The following XKR4 variants were observed in gnomAD, a reference collection of about 807,000 sequenced individuals.
XKR4 encodes XK related 4, also known as XK-related protein 4.
XKR4 carries 12 observed loss-of-function variants against 53.9 expected under a neutral mutation model. The observed-to-expected ratio is 0.22, with a 90% CI of 0.14 to 0.36. XKR4 has a LOEUF of 0.36. Ranked by LOEUF, XKR4 falls within the 10% of genes least tolerant of loss-of-function variation. XKR4 has a pLI of 1.00. For missense variants in XKR4, 799 were observed against 859.5 expected (o/e 0.93, Z 0.88); for synonymous variants, 354 against 362.4 (o/e 0.98, Z 0.26).
intron 1 of XKR4, among the ~76,000 whole-genome samples, chr8:55,269,327 G>T (rs1413832013): frequency 6.6e-6 from 1 of 151,908 alleles, no homozygotes; most frequent in Non-Finnish European, 1.5e-5. Flanking sequence ...GAATAAGAGA[G>T]TTGATACCAT....
chr8:55,195,243 T>C lies in XKR4; in HGVS notation c.806+91949T>C, dbSNP rs1028199930. On this transcript the variant is annotated intron_variant, in intron 1 of 2. Transcript: ENST00000327381. ...ATTTTACTATTAATGTTAATAATTA[T>C]CTATCAAAAATATAACGTTTATGTT... 7.2e-5 allele frequency among the ~76,000 whole-genome samples: 8 copies of C among 111,040 alleles called. 1 individual carries two copies. The highest frequency in any genetic ancestry group is 1.9e-4 in the African/African-American group (6 of 32,316). 72.8% of individuals were successfully genotyped at this position (111,040 alleles called of 152,430 possible). A position where few individuals can be genotyped will look rare whatever the true frequency, so the allele number is the denominator to read the frequency against.
intron 1 of XKR4, among the ~76,000 whole-genome samples, chr8:55,312,849 T>C (rs915035672): frequency 2.6e-5 from 4 of 152,334 alleles, no homozygotes; most frequent in East Asian, 1.9e-4. Context: ...CTTCTATTCA[T>C]AGATGGCGTC....
At position 55,313,119 on chromosome 8, in the gene XKR4, T is replaced by C. The variant is rs558168579; in HGVS notation, c.807-44559T>C. 3.3e-5 allele frequency among the ~76,000 whole-genome samples: 5 copies of C among 152,316 alleles called. No homozygotes were observed. In the East Asian group the frequency reaches 7.7e-4, roughly 23 times the overall value. On this transcript the variant is annotated intron_variant, in intron 1 of 2. Transcript: ENST00000327381. ...TAATTCCCTTGGTGGATAGAAACCA[T>C]AGAAGTAAAAAGTGTTATTATTATG...
Position 55,471,276 on chromosome 8 carries a change from G to T in XKR4, c.1007-52005G>T, listed in dbSNP as rs145243687. On this transcript the variant is annotated intron_variant, in intron 2 of 2. Transcript: ENST00000327381. Reference sequence around the variant, plus strand: ...AGTTTTGTGAGGTGGGGTGAGGAAAGTAAAGAGACTATTACCTAGGACAAG... The same window carrying T: ...AGTTTTGTGAGGTGGGGTGAGGAAATTAAAGAGACTATTACCTAGGACAAG... Among the ~76,000 whole-genome samples the T allele has an allele frequency of 7.8e-4, 119 of 152,204 alleles. 1 individual carries two copies. The highest frequency in any genetic ancestry group is 2.8e-3 in the African/African-American group (117 of 41,482).
At chr8:55,133,312 G>A (rs1308274477) in intron 1 of XKR4, among the ~76,000 whole-genome samples, 2 of 152,206 alleles carry the variant, frequency 1.3e-5, no homozygotes, top group Non-Finnish European at 2.9e-5. Context: ...CCAAGACCTG[G>A]AAACAGCAGG....
At position 55,481,052 on chromosome 8, in the gene XKR4, C is replaced by A. The variant is rs1018649213; in HGVS notation, c.1007-42229C>A. 2.6e-4 allele frequency among the ~76,000 whole-genome samples: 39 copies of A among 152,078 alleles called. No individual in the cohort carries two copies. In the South Asian group the frequency reaches 3.7e-3, roughly 15 times the overall value. On this transcript the variant is annotated intron_variant, in intron 2 of 2. Coordinates refer to ENST00000327381, the MANE Select transcript of XKR4 (RefSeq NM_052898.2). ...TCACAGAATTGGAAAAAACTACTTTCAAGTTCATATGGAACCAAAAAAGAG... is the reference window on the plus strand; with the variant it reads ...TCACAGAATTGGAAAAAACTACTTTAAAGTTCATATGGAACCAAAAAAGAG...
At chr8:55,177,757 G>A (rs1412310788) in intron 1 of XKR4, among the ~76,000 whole-genome samples, 1 of 152,150 alleles carries the variant, frequency 6.6e-6, no homozygotes, top group African/African-American at 2.4e-5. Context: ...TTTATAGCAT[G>A]GCTATTGTGG....
At chr8:55,299,680 C>G (rs899350252) in intron 1 of XKR4, among the ~76,000 whole-genome samples, 1 of 152,202 alleles carries the variant, frequency 6.6e-6, no homozygotes, top group Non-Finnish European at 1.5e-5. Flanking sequence ...GACTTGGTGA[C>G]TTGGTATACA....
intron 1 of XKR4, among the ~76,000 whole-genome samples, chr8:55,192,370 A>G (rs896360539): frequency 6.6e-6 from 1 of 151,974 alleles, no homozygotes; most frequent in Admixed American, 6.6e-5. Flanking sequence ...TGATGTTTAT[A>G]TAACAAAATT....
chr8:55,281,912 G>A (rs1268798938), intron 1 of XKR4, among the ~76,000 whole-genome samples: 2 of 152,180 alleles, frequency 1.3e-5, no homozygotes, highest in Non-Finnish European at 2.9e-5. Flanking sequence ...TATTCCCAAT[G>A]AAAATTGGCA....
At chr8:55,432,777 C>T (rs532891142) in intron 2 of XKR4, among the ~76,000 whole-genome samples, 4 of 152,226 alleles carry the variant, frequency 2.6e-5, no homozygotes, top group East Asian at 3.9e-4. Context: ...AAAAAGTCTA[C>T]GCTTGGCCCT....
chr8:55,450,732 C>A (rs1020471485), intron 2 of XKR4: 1 of 584,066 alleles, frequency 1.7e-6, no homozygotes, highest in East Asian at 4.0e-5. Flanking sequence ...ACAGCCACTC[C>A]TTCTCCACCA....
intron 1 of XKR4, among the ~76,000 whole-genome samples, chr8:55,276,733 T>A (rs1170197239): frequency 6.6e-6 from 1 of 152,218 alleles, no homozygotes; most frequent in African/African-American, 2.4e-5. Context: ...TTGGGCACAT[T>A]AATTACTGTT....
chr8:55,475,974 T>A (rs1369075244), intron 2 of XKR4, among the ~76,000 whole-genome samples: 1 of 151,972 alleles, frequency 6.6e-6, no homozygotes, highest in Non-Finnish European at 1.5e-5. Flanking sequence ...TTGAACTCCT[T>A]GGCTCAAGTG....
chr8:55,395,127 C>T (rs925452460), intron 2 of XKR4, among the ~76,000 whole-genome samples: 15 of 152,144 alleles, frequency 9.9e-5, no homozygotes, highest in Middle Eastern at 6.8e-3. Context: ...AATCTTTCCA[C>T]CTCAGGGAGG....
At chr8:55,297,464 G>A (rs1410107148) in intron 1 of XKR4, among the ~76,000 whole-genome samples, 1 of 152,130 alleles carries the variant, frequency 6.6e-6, no homozygotes, top group African/African-American at 2.4e-5. Context: ...TCCTGCCTTT[G>A]AAAACCTACA....
At chr8:55,406,487 C>T (rs2929005) in intron 2 of XKR4, among the ~76,000 whole-genome samples, 25,884 of 152,104 alleles carry the variant, frequency 0.17, 4,520 homozygotes, top group African/African-American at 0.45. Flanking sequence ...AGATCATATA[C>T]ATAAATATAT....
chr8:55,141,671 C>CTCTCTCTCTCTCTCTCTTTCTCTCTCTG (rs748708972), intron 1 of XKR4, among the ~76,000 whole-genome samples: 2 of 135,186 alleles, frequency 1.5e-5, no homozygotes, highest in East Asian at 4.4e-4. Context: ...CTCTCTCTCT[C>CTCTCTCTCTCTCTCTCTTTCTCTCTCTG]TGTGTGTGTG....
At position 55,309,115 on chromosome 8, in the gene XKR4, C is replaced by T. The variant is rs573799974; in HGVS notation, c.807-48563C>T. Among the ~76,000 whole-genome samples, 27 of 152,338 alleles carry T rather than the reference C, an allele frequency of 1.8e-4. No homozygotes were observed. In the East Asian group the frequency reaches 5.0e-3, roughly 28 times the overall value. On this transcript the variant is annotated intron_variant, in intron 1 of 2. Transcript: ENST00000327381. ...CCAGGAAGAAACACAGCCCTGCCAA[C>T]TCCTTCATTTTCACCCAGTGACACC...
Sources: gnomAD v4.1 joint callset for allele counts (sites outside exome capture counted in the v4.1 genomes callset) on GRCh38, gnomAD v4.1.1 for gene constraint, MANE v1.5 for transcripts, NCBI Gene and HGNC (gene_info 2026-07-23, HGNC 2026-07-21) for gene names.